TIAM1: variants seen among roughly 807,000 people sequenced by gnomAD.
TIAM1 encodes the protein rho guanine nucleotide exchange factor TIAM1.
TIAM1 carries 65 observed loss-of-function variants against 163.5 expected under a neutral mutation model. The ratio of observed to expected loss-of-function variants is 0.40; its 90% CI spans 0.33 to 0.49. The LOEUF (loss-of-function observed/expected upper bound fraction) is 0.49. TIAM1 is among the 20% of genes least tolerant of loss of function. TIAM1 has a pLI of 0.77. For missense variants in TIAM1, 1,789 were observed against 2,044.7 expected, an observed-to-expected ratio of 0.87 and a Z score of 2.41; for synonymous variants, 833 against 810.1, an observed-to-expected ratio of 1.03 and a Z score of -0.48.
chr21:31,296,127 G>C (rs1004543941), intron 2 of TIAM1, among the ~76,000 whole-genome samples: 1 of 152,102 alleles, frequency 6.6e-6, no homozygotes, highest in Non-Finnish European at 1.5e-5. Context: ...TGGATTTGAT[G>C]ATTATTCAGG....
intron 2 of TIAM1, among the ~76,000 whole-genome samples, chr21:31,438,647 C>T (rs2044308252): frequency 6.6e-6 from 1 of 152,150 alleles, no homozygotes; most frequent in Non-Finnish European, 1.5e-5. Context: ...CTGCTCTCTC[C>T]CCCAAGTCCT....
At chr21:31,455,416 AT>A (rs35317787) in intron 2 of TIAM1, among the ~76,000 whole-genome samples, 39,452 of 147,302 alleles carry the variant, frequency 0.27, 5,133 homozygotes, top group African/African-American at 0.29. Flanking sequence ...TTTAATTTTA[AT>A]TTTTTTTTTT....
chr21:31,543,971 G>T (rs921463776), intron 1 of TIAM1, among the ~76,000 whole-genome samples: 2 of 152,174 alleles, frequency 1.3e-5, no homozygotes, highest in Admixed American at 1.3e-4. Flanking sequence ...AGGACTTTGG[G>T]AGGCCAAGGT....
chr21:31,265,952 G>A (rs965886377), intron 4 of TIAM1, 58 bp downstream of exon 4: 2 of 1,569,154 alleles, frequency 1.3e-6, no homozygotes, highest in Non-Finnish European at 1.7e-6. Context: ...GCAAAGTCAT[G>A]CACTTAAAGA....
At chr21:31,430,329 G>A (rs1277923991) in intron 2 of TIAM1, among the ~76,000 whole-genome samples, 2 of 148,250 alleles carry the variant, frequency 1.3e-5, no homozygotes, top group Non-Finnish European at 3.0e-5. Flanking sequence ...TCTGCCATGC[G>A]CCTCACCGAA....
chr21:31,446,214 T>G (rs1439482087), intron 2 of TIAM1, among the ~76,000 whole-genome samples: 1 of 54,868 alleles, frequency 1.8e-5, no homozygotes, highest in East Asian at 1.0e-3. Context: ...GTTCTGGGAT[T>G]ACAGGTGTGA....
chr21:31,299,350 T>A (rs1481592480), intron 2 of TIAM1, among the ~76,000 whole-genome samples: 1 of 152,184 alleles, frequency 6.6e-6, no homozygotes, highest in Non-Finnish European at 1.5e-5. Context: ...TCCATGACAT[T>A]TCTGAGAAGG....
At chr21:31,426,107 T>C (rs909024266) in intron 2 of TIAM1, among the ~76,000 whole-genome samples, 10 of 152,044 alleles carry the variant, frequency 6.6e-5, no homozygotes, top group Non-Finnish European at 1.2e-4. Flanking sequence ...TTCTGAGATT[T>C]TGGTGCACCC....
chr21:31,219,567 G>A (rs779696798), intron 8 of TIAM1, among the ~76,000 whole-genome samples: 7 of 152,194 alleles, frequency 4.6e-5, no homozygotes, highest in Non-Finnish European at 8.8e-5. Flanking sequence ...TGTAAACACC[G>A]CAGAAGCCCC....
chr21:31,489,376 G>GTCGCCGTATCATTAAA (rs2046381102), intron 1 of TIAM1, among the ~76,000 whole-genome samples: 1 of 84,864 alleles, frequency 1.2e-5, no homozygotes, highest in Non-Finnish European at 2.3e-5. Context: ...GGGAGAGGAG[G>GTCGCCGTATCATTAAA]AGGAGGAGGA....
chr21:31,307,849 A>C (rs1225281058), intron 2 of TIAM1, among the ~76,000 whole-genome samples: 2 of 152,158 alleles, frequency 1.3e-5, no homozygotes, highest in African/African-American at 4.8e-5. Flanking sequence ...GGAGAATCTC[A>C]GTTGAATTTA....
chr21:31,214,557 GTTTT>G (rs1374369779), intron 9 of TIAM1, among the ~76,000 whole-genome samples: 1 of 151,808 alleles, frequency 6.6e-6, no homozygotes, highest in Non-Finnish European at 1.5e-5. Flanking sequence ...CAACATAGGG[GTTTT>G]TTTAATTAAA....
At chr21:31,522,265 G>A (rs1234766726) in intron 1 of TIAM1, among the ~76,000 whole-genome samples, 1 of 151,444 alleles carries the variant, frequency 6.6e-6, no homozygotes, top group South Asian at 2.1e-4. Flanking sequence ...CCAACACTTT[G>A]GGAGGCCAAG....
chr21:31,198,244 AT>A (rs1417190646), intron 12 of TIAM1, among the ~76,000 whole-genome samples: 1 of 152,092 alleles, frequency 6.6e-6, no homozygotes, highest in Non-Finnish European at 1.5e-5. Context: ...TCTTCTCTTT[AT>A]TTGCTTGGGG....
intron 12 of TIAM1, among the ~76,000 whole-genome samples, chr21:31,198,563 A>G (rs1168518341): frequency 6.6e-6 from 1 of 152,248 alleles, no homozygotes; most frequent in East Asian, 1.9e-4. Context: ...AAGGTTTACA[A>G]TGTATAACCT....
At chr21:31,521,572 C>CA (rs2047587648) in intron 1 of TIAM1, among the ~76,000 whole-genome samples, 1 of 152,012 alleles carries the variant, frequency 6.6e-6, no homozygotes, top group South Asian at 2.1e-4. Flanking sequence ...CCCATCTCAA[C>CA]AAAAAATTTA....
intron 2 of TIAM1, among the ~76,000 whole-genome samples, chr21:31,406,591 C>T (rs573453581): frequency 1.3e-4 from 20 of 152,238 alleles, no homozygotes; most frequent in South Asian, 8.3e-4. Flanking sequence ...CCAAACTCTA[C>T]GAATGCAAGA....
chr21:31,308,376 G>A (rs1305944958), intron 2 of TIAM1, among the ~76,000 whole-genome samples: 1 of 151,878 alleles, frequency 6.6e-6, no homozygotes, highest in African/African-American at 2.4e-5. Flanking sequence ...TCCTTGGGAG[G>A]AGGGTTAAAT....
chr21:31,468,270 G>A (rs1399663167), intron 1 of TIAM1, among the ~76,000 whole-genome samples: 1 of 151,598 alleles, frequency 6.6e-6, no homozygotes, highest in Non-Finnish European at 1.5e-5. Context: ...GAGGTGAGGA[G>A]TTCAAGACTA....
Sources: gnomAD v4.1 joint callset for allele counts (sites outside exome capture counted in the v4.1 genomes callset) on GRCh38, gnomAD v4.1.1 for gene constraint, MANE v1.5 for transcripts, NCBI Gene and HGNC (gene_info 2026-07-23, HGNC 2026-07-21) for gene names.